The following EXOSC9 variants were observed in gnomAD, a reference collection of about 807,000 sequenced individuals.
The protein encoded by EXOSC9 is exosome component 9.
EXOSC9 carries 38 observed loss-of-function variants against 56.5 expected under a neutral mutation model. The ratio of observed to expected loss-of-function variants is 0.67; its 90% CI spans 0.52 to 0.88. The LOEUF (loss-of-function observed/expected upper bound fraction) is 0.88, where lower values mean the gene tolerates loss of function less well. Ranked by LOEUF, EXOSC9 falls within the 40% of genes least tolerant of loss-of-function variation. The pLI is 0.00. For missense variants in EXOSC9, 559 were observed against 530.5 expected, an observed-to-expected ratio of 1.05 and a Z score of -0.53; for synonymous variants, 170 against 170.8, an observed-to-expected ratio of 0.99 and a Z score of 0.04.
rs748226216 is a variant in EXOSC9 at position 121,802,770 on chromosome 4, C to T, written c.258C>T (p.Ala86=). The change falls in exon 3 of 12, where the codon GCC becomes GCT. Residue 86 remains alanine, a synonymous_variant. Coordinates refer to ENST00000243498, the MANE Select transcript of EXOSC9 (RefSeq NM_005033.3). ...LFFNLELSQM[A]APAFEPGRQS... ...TTAACCTTGAACTCTCTCAGATGGC[C>T]GCTCCAGCTTTCGAACCTGGCAGGT... is the stretch of plus-strand genomic sequence containing the variant. The T allele has an allele frequency of 4.3e-6, 7 of 1,614,044 alleles. No homozygotes were observed. The highest frequency in any genetic ancestry group is 3.3e-5 in the South Asian group (3 of 91,064).
chr4:121,805,670 A>G (rs182679738), intron 5 of EXOSC9, among the ~76,000 whole-genome samples: 163 of 152,302 alleles, frequency 1.1e-3, no homozygotes, highest in African/African-American at 2.7e-3. Flanking sequence ...TCAATTAAAG[A>G]ATACTGTGGT....
chr4:121,809,858 C>A, intron 6 of EXOSC9, 109 bp from the exon 7 acceptor site: 1 of 1,290,296 alleles, frequency 7.8e-7, no homozygotes, highest in Non-Finnish European at 1.1e-6. Flanking sequence ...AGGCTCAGAC[C>A]TTTATTCTCT....
intron 4 of EXOSC9, 131 bp downstream of exon 4, chr4:121,803,148 T>C: frequency 1.5e-6 from 1 of 657,010 alleles, no homozygotes; most frequent in East Asian, 2.8e-5. Flanking sequence ...TCAGATGTTC[T>C]TGAGTGATAC....
rs559000722 is a variant in EXOSC9, at chr4:121,803,494, C to T, written c.384+477C>T. Among the ~76,000 whole-genome samples, 154 of 152,100 alleles carry T rather than the reference C, an allele frequency of 1.0e-3. 1 individual carries two copies. Among genetic ancestry groups the T allele is most frequent in the African/African-American group, 3.5e-3 (144 of 41,492 alleles). Reference sequence around the variant, plus strand: ...CAGGGATAACTTTGAAAATCTTAGTCCCAATAAATTGTGCTGCATTAGGAT... The same window carrying T: ...CAGGGATAACTTTGAAAATCTTAGTTCCAATAAATTGTGCTGCATTAGGAT... On this transcript the variant is annotated intron_variant, in intron 4 of 11. Transcript: ENST00000243498.
Position 121,802,655 on chromosome 4 carries a change from T to C in EXOSC9, c.162-19T>C, listed in dbSNP as rs367762958. The C allele has an allele frequency of 3.1e-6, 5 of 1,610,672 alleles. No homozygotes were observed. The highest frequency in any genetic ancestry group is 3.4e-5 in the Admixed American group (2 of 58,914). On this transcript the variant is annotated intron_variant, in intron 2 of 11. Coordinates refer to ENST00000243498, the MANE Select transcript of EXOSC9 (RefSeq NM_005033.3). ...AGGAGAGTCTATTTGGTTAATACTT[T>C]GTAACTTTATCTTTGCAGAGTTCTT...
In EXOSC9 at chr4:121,810,006, T is replaced by A; in HGVS notation, c.645T>A (p.Arg215=). 6.2e-7 allele frequency: 1 copy of A among 1,614,026 alleles called. No homozygotes were observed. Among genetic ancestry groups the A allele is most frequent in the African/African-American group, 1.3e-5 (1 of 75,040 alleles). ...LLVDPNEREE[R]VMDGLLVIAM... ...TGGATCCCAATGAACGAGAAGAACG[T>A]GTGATGGATGGCTTGCTGGTGATTG... Residue 215 remains arginine, a synonymous_variant, in exon 7 of 12, where the codon CGT becomes CGA. Coordinates refer to ENST00000243498, the MANE Select transcript of EXOSC9 (RefSeq NM_005033.3).
At chr4:121,816,247 C>T (rs1389007476) in intron 10 of EXOSC9, 122 bp from the exon 11 acceptor site, 2 of 650,054 alleles carry the variant, frequency 3.1e-6, no homozygotes, top group Middle Eastern at 2.5e-4. Context: ...GTGTGAGCCA[C>T]CACGCCCAGC....
chr4:121,804,446 AT>A (rs1220094303), intron 4 of EXOSC9, 175 bp from the exon 5 acceptor site: 61 of 475,284 alleles, frequency 1.3e-4, no homozygotes, highest in Non-Finnish European at 1.9e-4. Flanking sequence ...CCCACATAGT[AT>A]TTCAGATGTT....
rs1032484969 is a variant in EXOSC9 at position 121,810,176 on chromosome 4, T to C, written c.738+77T>C. 2.4e-6 allele frequency: 3 copies of C among 1,261,816 alleles called. No homozygotes were observed. In the Admixed American group the frequency reaches 5.5e-5, roughly 23 times the overall value. The allele number at this position is 1,261,816 out of a possible 1,614,324, so 78.2% of individuals were successfully genotyped here. A position where few individuals can be genotyped will look rare whatever the true frequency, so the allele number is the denominator to read the frequency against. On this transcript the variant is annotated intron_variant, in intron 7 of 11. Transcript: ENST00000243498. ...GCTTTTTCTTGTCTTTTAACAAAAA[T>C]CCAATGGGGATACTTCCAGTGATTT... is the stretch of plus-strand genomic sequence containing the variant.
At chr4:121,815,365 G>A in intron 10 of EXOSC9, 1 of 978,994 alleles carries the variant, frequency 1.0e-6, no homozygotes, top group Non-Finnish European at 1.2e-6. Context: ...TCTTCTAACA[G>A]TGAATAATAT....
At chr4:121,804,980 G>C (rs1726978138) in intron 5 of EXOSC9, among the ~76,000 whole-genome samples, 1 of 152,164 alleles carries the variant, frequency 6.6e-6, no homozygotes, top group Non-Finnish European at 1.5e-5. Flanking sequence ...ACCCTAGCCT[G>C]GTTTTCCAGA....
intron 7 of EXOSC9, among the ~76,000 whole-genome samples, chr4:121,810,950 G>A (rs1727193955): frequency 6.6e-6 from 1 of 152,178 alleles, no homozygotes; most frequent in South Asian, 2.1e-4. Context: ...ACAATTGGCA[G>A]TAGTTCTGAA....
At chr4:121,812,482 A>G (rs1727239927) in intron 8 of EXOSC9, among the ~76,000 whole-genome samples, 1 of 152,130 alleles carries the variant, frequency 6.6e-6, no homozygotes, top group African/African-American at 2.4e-5. Context: ...AAAATCATAT[A>G]AGATTTTTGT....
At chr4:121,815,901 A>G (rs1724479685) in intron 10 of EXOSC9, 6 of 1,187,260 alleles carry the variant, frequency 5.1e-6, no homozygotes, top group South Asian at 8.6e-5. Flanking sequence ...TAAAGAAACA[A>G]ATGTTACAGA....
In EXOSC9 at chr4:121,813,368, C is replaced by T; in HGVS notation, c.962C>T (p.Pro321Leu). The T allele has an allele frequency of 1.2e-6, 2 of 1,612,974 alleles. No homozygotes were observed. The highest frequency in any genetic ancestry group is 2.2e-5 in the South Asian group (2 of 90,972). The change falls in exon 9 of 12, where the codon CCT becomes CTT. Residue 321 changes from proline (P) to leucine (L), a missense_variant. Pro to Leu is a moderately conservative substitution (Grantham distance 98). Transcript: ENST00000243498. ...GAAGAAATCATTGCTGAAGCAGAAC[C>T]TCCTTCAGAAGTGTATCTTTATTTG... Reference protein sequence around the residue: ...KAEEIIAEAEPPSEVVSTPVL... With the variant: ...KAEEIIAEAELPSEVVSTPVL...
intron 6 of EXOSC9, chr4:121,809,692 A>G: frequency 2.4e-6 from 1 of 418,706 alleles, no homozygotes; most frequent in Non-Finnish European, 4.3e-6. Flanking sequence ...TCAAAGAGAT[A>G]GCATTAGGTT....
rs1475359144 is a variant in EXOSC9, at chr4:121,801,430, G to A, written c.6G>A (p.Lys2=). 1 of 1,614,172 alleles carries A rather than the reference G, an allele frequency of 6.2e-7. No homozygotes were observed. The highest frequency in any genetic ancestry group is 1.3e-5 in the African/African-American group (1 of 75,070). The change falls in exon 1 of 12, where the codon AAG becomes AAA. Residue 2 remains lysine, a synonymous_variant. Coordinates refer to ENST00000243498, the MANE Select transcript of EXOSC9 (RefSeq NM_005033.3). M[K]ETPLSNCERR... ...GGGGCCGGTGACCCAACACCATGAA[G>A]GAAACGCCACTCTCAAACTGCGAAC... is the stretch of plus-strand genomic sequence containing the variant.
intron 8 of EXOSC9, 89 bp from the exon 9 acceptor site, chr4:121,813,144 TA>T: frequency 8.1e-7 from 1 of 1,237,250 alleles, no homozygotes; most frequent in Non-Finnish European, 1.1e-6. Flanking sequence ...CACCAAAGGA[TA>T]AAATAATAGT....
chr4:121,805,832 A>G (rs13105974), intron 5 of EXOSC9, among the ~76,000 whole-genome samples: 117,224 of 148,260 alleles, frequency 0.79, 46,662 homozygotes, highest in African/African-American at 0.89. Flanking sequence ...TTGAGACAGG[A>G]TCTCACTCCG....
Sources: allele counts gnomAD v4.1 joint callset (sites outside exome capture counted in the v4.1 genomes callset), GRCh38; gene constraint gnomAD v4.1.1; transcripts MANE v1.5; gene names NCBI Gene and HGNC (gene_info 2026-07-23, HGNC 2026-07-21).